Variants in PIK3R1 observed in about 807,000 individuals in gnomAD.
PIK3R1 encodes the protein phosphatidylinositol 3-kinase regulatory subunit alpha.
A neutral mutation model predicts 98.0 loss-of-function variants in PIK3R1; 29 were observed. The ratio of observed to expected loss-of-function variants is 0.30; its 90% CI spans 0.22 to 0.40. PIK3R1 has a LOEUF of 0.40. PIK3R1 is among the 10% of genes least tolerant of loss of function. The pLI is 1.00. For missense variants in PIK3R1, 596 were observed against 872.7 expected, an observed-to-expected ratio of 0.68 and a Z score of 3.99; for synonymous variants, 282 against 311.8, an observed-to-expected ratio of 0.90 and a Z score of 1.01.
chr5:68,298,942 A>G lies in PIK3R1; in HGVS notation c.*1341A>G, dbSNP rs1361272413. On this transcript the variant is annotated 3_prime_UTR_variant, in exon 16 of 16. Coordinates refer to ENST00000521381, the MANE Select transcript of PIK3R1 (RefSeq NM_181523.3). The stretch of plus-strand genomic sequence containing the variant: ...GAGGCAAGGTTATATGCACTTTCTC[A>G]TGATTTACAGAGAAGTGAATAACTG... 4.3e-6 allele frequency: 1 copy of G among 233,334 alleles called. No individual in the cohort carries two copies. The highest frequency in any genetic ancestry group is 8.5e-6 in the Non-Finnish European group (1 of 117,894). 14.5% of individuals were successfully genotyped at this position (233,334 alleles called of 1,614,324 possible). A position where few individuals can be genotyped will look rare whatever the true frequency, so the allele number is the denominator to read the frequency against.
chr5:68,296,432 C>T (rs1240746323), intron 15 of PIK3R1, 91 bp downstream of exon 15: 1 of 1,246,436 alleles, frequency 8.0e-7, no homozygotes, highest in Non-Finnish European at 1.1e-6. Flanking sequence ...AAAGATTTGA[C>T]ATAGTTTTAG....
chr5:68,228,830 T>C (rs1337694664), intron 2 of PIK3R1, among the ~76,000 whole-genome samples: 1 of 152,218 alleles, frequency 6.6e-6, no homozygotes, highest in African/African-American at 2.4e-5. Context: ...TGATAATTGC[T>C]ATCAGGTGCA....
At chr5:68,256,007 A>G (rs1264784242) in intron 2 of PIK3R1, among the ~76,000 whole-genome samples, 1 of 152,218 alleles carries the variant, frequency 6.6e-6, no homozygotes, top group Non-Finnish European at 1.5e-5. Flanking sequence ...TGCTGAATTC[A>G]TAGGGGCGTG....
Position 68,267,657 on chromosome 5 carries a change from A to T in PIK3R1, c.335-5733A>T, listed in dbSNP as rs142746359. 2.6e-4 allele frequency among the ~76,000 whole-genome samples: 39 copies of T among 152,284 alleles called. No homozygotes were observed. In the East Asian group the frequency reaches 7.0e-3, roughly 27 times the overall value. On this transcript the variant is annotated intron_variant, in intron 2 of 15. Coordinates refer to ENST00000521381, the MANE Select transcript of PIK3R1 (RefSeq NM_181523.3). ...TTTTTTCTCCTTCTTCCTCCAAAAAAAAAAGCTCTTGTTTCGGCCACACTC... is the reference window on the plus strand; with the variant it reads ...TTTTTTCTCCTTCTTCCTCCAAAAATAAAAGCTCTTGTTTCGGCCACACTC...
At chr5:68,286,659 G>T (rs1216731123) in intron 7 of PIK3R1, among the ~76,000 whole-genome samples, 1 of 152,180 alleles carries the variant, frequency 6.6e-6, no homozygotes, top group Non-Finnish European at 1.5e-5. Context: ...ATTTGTTTAA[G>T]GCAAAGTTTT....
At chr5:68,221,651 TCAA>T (rs1744096367) in intron 1 of PIK3R1, among the ~76,000 whole-genome samples, 1 of 152,258 alleles carries the variant, frequency 6.6e-6, no homozygotes, top group Non-Finnish European at 1.5e-5. Context: ...ATGGAGTAAC[TCAA>T]CAAAGTCAGA....
intron 2 of PIK3R1, among the ~76,000 whole-genome samples, chr5:68,253,047 T>C (rs1379853922): frequency 6.6e-6 from 1 of 152,230 alleles, no homozygotes; most frequent in Non-Finnish European, 1.5e-5. Flanking sequence ...ATTTACCTTG[T>C]CTCTTCTCCT....
At chr5:68,237,915 TC>T (rs960702558) in intron 2 of PIK3R1, among the ~76,000 whole-genome samples, 1 of 152,044 alleles carries the variant, frequency 6.6e-6, no homozygotes, top group African/African-American at 2.4e-5. Context: ...GGAATGCTCT[TC>T]CCCCCTCTTC....
At chr5:68,293,524 A>G in intron 10 of PIK3R1, 41 bp downstream of exon 10, 2 of 1,488,134 alleles carry the variant, frequency 1.3e-6, no homozygotes, top group Non-Finnish European at 1.8e-6. Context: ...CGATGTTTAG[A>G]CAAGATCCTT....
At chr5:68,217,645 T>TGCGCGCGC (rs1224108539) in intron 1 of PIK3R1, 14 of 135,428 alleles carry the variant, frequency 1.0e-4, no homozygotes, top group Non-Finnish European at 2.2e-4. Flanking sequence ...TGTGTGTGTG[T>TGCGCGCGC]GTGTGTGTGC....
chr5:68,252,160 C>T (rs1191915142), intron 2 of PIK3R1, among the ~76,000 whole-genome samples: 3 of 152,104 alleles, frequency 2.0e-5, no homozygotes, highest in East Asian at 1.9e-4. Flanking sequence ...GACTAAGGGC[C>T]GCATTGTAGA....
At position 68,298,496 on chromosome 5, in the gene PIK3R1, A is replaced by G. The variant is rs1043526; in HGVS notation, c.*895A>G. The G allele has an allele frequency of 0.1, 23,548 of 233,218 alleles. 1,515 individuals are homozygous for G. The highest frequency in any genetic ancestry group is 0.14 in the Non-Finnish European group (16,415 of 117,836). The allele number at this position is 233,218 out of a possible 1,614,324, so 14.4% of individuals were successfully genotyped here. On this transcript the variant is annotated 3_prime_UTR_variant, in exon 16 of 16. Coordinates refer to ENST00000521381, the MANE Select transcript of PIK3R1 (RefSeq NM_181523.3). ...CCCACCCCAGTTTTTGTTGCTTGAA[A>G]ATATTGTTGTCCCGGATTTTTGTTA...
At chr5:68,237,446 A>G (rs1744704164) in intron 2 of PIK3R1, among the ~76,000 whole-genome samples, 1 of 152,170 alleles carries the variant, frequency 6.6e-6, no homozygotes, top group African/African-American at 2.4e-5. Context: ...TTGAGGGGGT[A>G]AGGGAAAGGC....
chr5:68,290,937 T>G, intron 7 of PIK3R1: 1 of 731,158 alleles, frequency 1.4e-6, no homozygotes, highest in Non-Finnish European at 2.2e-6. Flanking sequence ...TTTTTATTAA[T>G]TTGTTTCATT....
intron 7 of PIK3R1, chr5:68,288,772 G>A: frequency 6.2e-7 from 1 of 1,610,674 alleles, no homozygotes; most frequent in East Asian, 2.2e-5. Context: ...TTGAATTTGT[G>A]CACTTCTCTG....
chr5:68,293,655 C>T (rs964942123), intron 10 of PIK3R1, 54 bp from the exon 11 acceptor site: 5 of 1,285,864 alleles, frequency 3.9e-6, no homozygotes, highest in Middle Eastern at 2.5e-4. Flanking sequence ...TTTTGTTAAA[C>T]AATTGTTATT....
chr5:68,286,940 A>G (rs1747101975), intron 7 of PIK3R1, among the ~76,000 whole-genome samples: 2 of 152,218 alleles, frequency 1.3e-5, no homozygotes, highest in Non-Finnish European at 2.9e-5. Flanking sequence ...ATATGTCCCT[A>G]TGATCAGATG....
At chr5:68,245,388 GAA>G (rs1278229596) in intron 2 of PIK3R1, among the ~76,000 whole-genome samples, 5 of 152,140 alleles carry the variant, frequency 3.3e-5, no homozygotes, top group Non-Finnish European at 7.3e-5. Flanking sequence ...ATATATAGGA[GAA>G]AGAGTTTGTT....
intron 7 of PIK3R1, among the ~76,000 whole-genome samples, chr5:68,283,786 G>A (rs998869759): frequency 5.3e-5 from 8 of 152,266 alleles, no homozygotes; most frequent in East Asian, 1.9e-4. Context: ...CCCAGGAGCC[G>A]CCTCCTACAC....
Sources: gnomAD v4.1 joint callset for allele counts (sites outside exome capture counted in the v4.1 genomes callset) on GRCh38, gnomAD v4.1.1 for gene constraint, MANE v1.5 for transcripts, NCBI Gene and HGNC (gene_info 2026-07-23, HGNC 2026-07-21) for gene names.